The following HERC4 variants were observed in gnomAD, a reference collection of about 807,000 sequenced individuals.
HERC4 encodes HECT and RLD domain containing E3 ubiquitin protein ligase 4, also known as probable E3 ubiquitin-protein ligase HERC4.
A neutral mutation model predicts 124.3 loss-of-function variants in HERC4; 28 were observed. That is an observed-to-expected ratio of 0.23 (90% CI 0.17 to 0.31). HERC4 has a LOEUF of 0.31. HERC4 is among the 10% of genes least tolerant of loss of function. The probability of loss-of-function intolerance (pLI) is 1.00; values close to 1 mark genes in which losing one functional copy is unlikely to be tolerated. For synonymous variants in HERC4, 407 were observed against 421.5 expected (o/e 0.97, Z 0.42); for missense variants, 713 against 1,229.3 (o/e 0.58, Z 6.28).
chr10:68,049,166 GA>G (rs1307067064), intron 3 of HERC4, among the ~76,000 whole-genome samples: 2 of 150,674 alleles, frequency 1.3e-5, no homozygotes, highest in South Asian at 2.1e-4. Context: ...TCTACACGCT[GA>G]AATATTATGC....
At chr10:68,038,917 T>C (rs1323654094) in intron 4 of HERC4, among the ~76,000 whole-genome samples, 1 of 152,308 alleles carries the variant, frequency 6.6e-6, no homozygotes, top group Admixed American at 6.5e-5. Context: ...TAACTTTGTA[T>C]GTACATCAAC....
chr10:68,017,163 C>A (rs992089630), intron 8 of HERC4, among the ~76,000 whole-genome samples: 2 of 152,068 alleles, frequency 1.3e-5, no homozygotes, highest in Admixed American at 6.6e-5. Flanking sequence ...GTTGAGTTTG[C>A]CTTCTTGTGT....
intron 5 of HERC4, among the ~76,000 whole-genome samples, chr10:68,037,033 G>A (rs2039510354): frequency 6.6e-6 from 1 of 151,328 alleles, no homozygotes; most frequent in South Asian, 2.1e-4. Context: ...ATTTGTAGTA[G>A]GCTTCACTAA....
At position 67,922,868 on chromosome 10, in the gene HERC4, C is replaced by T; in HGVS notation, c.*63G>A. 3 of 1,164,028 alleles carry T rather than the reference C, an allele frequency of 2.6e-6. No homozygotes were observed. Among genetic ancestry groups the T allele is most frequent in the Non-Finnish European group, 2.5e-6 (2 of 810,212 alleles). The allele number at this position is 1,164,028 out of a possible 1,614,324, so 72.1% of individuals were successfully genotyped here. A position where few individuals can be genotyped will look rare whatever the true frequency, so the allele number is the denominator to read the frequency against. On this transcript the variant is annotated 3_prime_UTR_variant, in exon 25 of 25. Transcript: ENST00000373700. ...CTCTGTCACCTTGCTGAATTCATCA[C>T]CACAAGAAAAACACAAATAGTTTAA...
intron 16 of HERC4, chr10:67,966,406 A>C (rs1233226151): frequency 3.5e-6 from 1 of 285,244 alleles, no homozygotes; most frequent in Non-Finnish European, 6.4e-6. Flanking sequence ...AAAAGAGTTA[A>C]AAATCCATTT....
chr10:68,059,514 T>C (rs1021811963), intron 3 of HERC4, among the ~76,000 whole-genome samples: 87 of 118,754 alleles, frequency 7.3e-4, no homozygotes, highest in African/African-American at 2.6e-3. Flanking sequence ...TATAATATTA[T>C]ATATCATAAT....
At chr10:67,952,838 T>C (rs1417597911) in intron 19 of HERC4, among the ~76,000 whole-genome samples, 1 of 151,000 alleles carries the variant, frequency 6.6e-6, no homozygotes, top group East Asian at 2.0e-4. Context: ...AGGCAGAGCT[T>C]GCAGTGAGCC....
intron 5 of HERC4, among the ~76,000 whole-genome samples, chr10:68,034,589 A>C (rs2039362333): frequency 6.6e-6 from 1 of 152,148 alleles, no homozygotes; most frequent in South Asian, 2.1e-4. Context: ...AAATTTTAAC[A>C]CTAGCCCAAA....
chr10:67,941,600 T>C (rs2032896889), intron 19 of HERC4, among the ~76,000 whole-genome samples: 1 of 151,942 alleles, frequency 6.6e-6, no homozygotes, highest in African/African-American at 2.4e-5. Context: ...TAATACACCG[T>C]ATTTAAGATT....
chr10:68,064,960 G>A (rs1285403099), intron 3 of HERC4, among the ~76,000 whole-genome samples: 1 of 150,408 alleles, frequency 6.6e-6, no homozygotes, highest in African/African-American at 2.4e-5. Context: ...GACAGAGCAA[G>A]GCTCCATCTC....
In HERC4 at chr10:67,959,084, A is replaced by C. The variant is rs768828177; in HGVS notation, c.1927-2108T>G. ...GAGAAAATGGAGTATATTTTACTCT[A>C]AACATGAGCTTTATTACACCAAACT... On this transcript the variant is annotated intron_variant, in intron 16 of 24. Coordinates refer to ENST00000373700, the MANE Select transcript of HERC4 (RefSeq NM_015601.4). 2.5e-6 allele frequency: 4 copies of C among 1,587,540 alleles called. No homozygotes were observed. In the African/African-American group the frequency reaches 4.1e-5, roughly 16 times the overall value.
intron 20 of HERC4, 64 bp from the exon 21 acceptor site, chr10:67,939,718 A>G (rs2032704077): frequency 1.3e-6 from 1 of 764,952 alleles, no homozygotes; most frequent in Non-Finnish European, 2.1e-6. Context: ...TATTTTACTT[A>G]TGGATATATA....
chr10:68,068,243 G>C (rs1279659737), intron 3 of HERC4: 2 of 152,160 alleles, frequency 1.3e-5, no homozygotes, highest in Non-Finnish European at 1.5e-5. Context: ...CCAGCACTTT[G>C]GGAGACCGAG....
intron 3 of HERC4, 47 bp downstream of exon 3, chr10:68,072,836 T>C (rs1487276581): frequency 1.6e-6 from 2 of 1,283,282 alleles, no homozygotes; most frequent in Non-Finnish European, 2.2e-6. Flanking sequence ...AAATTTAAAA[T>C]GATATAATTA....
intron 3 of HERC4, among the ~76,000 whole-genome samples, chr10:68,049,606 A>C (rs1487519351): frequency 6.6e-6 from 1 of 150,920 alleles, no homozygotes; most frequent in Non-Finnish European, 1.5e-5. Context: ...AAAAAAAAAA[A>C]AAAAAAACAC....
chr10:68,022,289 C>T (rs971692491), intron 8 of HERC4, among the ~76,000 whole-genome samples: 6 of 152,026 alleles, frequency 3.9e-5, no homozygotes, highest in Non-Finnish European at 7.4e-5. Context: ...CAACTGAGGT[C>T]GGGAGTTCGA....
chr10:67,932,760 T>G lies in HERC4; in HGVS notation c.2675A>C (p.Tyr892Ser). 1 of 1,596,172 alleles carries G rather than the reference T, an allele frequency of 6.3e-7. No individual in the cohort carries two copies. Among genetic ancestry groups the G allele is most frequent in the African/African-American group, 1.4e-5 (1 of 73,616 alleles). Residue 892 changes from tyrosine to serine, a missense_variant, in exon 23 of 25, where the codon TAT becomes TCT. Physicochemically the swap from Tyr to Ser is moderately radical, Grantham distance 144. Transcript: ENST00000373700. ...KQNRQEFVDAYVDYIFNKSVA... is the reference protein window; with the variant it reads ...KQNRQEFVDASVDYIFNKSVA... Reference sequence around the variant, plus strand: ...TGATTTATTGAATATGTAATCCACATAAGCATCGACAAACTCTTGCCTAGA... The same window carrying G: ...TGATTTATTGAATATGTAATCCACAGAAGCATCGACAAACTCTTGCCTAGA...
At chr10:67,996,815 T>A (rs2036911446) in intron 9 of HERC4, among the ~76,000 whole-genome samples, 2 of 151,210 alleles carry the variant, frequency 1.3e-5, no homozygotes, top group Admixed American at 1.3e-4. Flanking sequence ...CTACTAAAAA[T>A]AAAAAAATAA....
intron 9 of HERC4, among the ~76,000 whole-genome samples, chr10:68,008,902 T>C (rs921898063): frequency 1.3e-5 from 2 of 152,172 alleles, no homozygotes; most frequent in African/African-American, 4.8e-5. Context: ...ACACAAATTT[T>C]TGGTTTCATA....
Sources: gnomAD v4.1 joint callset for allele counts (sites outside exome capture counted in the v4.1 genomes callset) on GRCh38, gnomAD v4.1.1 for gene constraint, MANE v1.5 for transcripts, NCBI Gene and HGNC (gene_info 2026-07-23, HGNC 2026-07-21) for gene names.